DDX41: variants seen among roughly 807,000 people sequenced by gnomAD.
The protein encoded by DDX41 is DEAD-box helicase 41.
A neutral mutation model predicts 78.8 loss-of-function variants in DDX41; 50 were observed. The observed-to-expected ratio is 0.63, with a 90% CI of 0.51 to 0.80. The LOEUF is 0.80. Among genes scored for constraint, DDX41 ranks in the 30% least tolerant of loss-of-function variants. The pLI is 0.00. For synonymous variants in DDX41, 381 were observed against 321.5 expected, an observed-to-expected ratio of 1.19 and a Z score of -1.98; for missense variants, 633 against 849.2, an observed-to-expected ratio of 0.75 and a Z score of 3.16.
Position 177,516,904 on chromosome 5 carries a change from T to G in DDX41, c.27+15A>C. ...CGCCCGCTCCCACACGCGCGGGGTC[T>G]CGCCTCTCTCCTACCTTCCGTTCGG... On this transcript the variant is annotated intron_variant, in intron 1 of 16. Coordinates refer to ENST00000330503, the MANE Select transcript of DDX41 (RefSeq NM_016222.4). 1.9e-6 allele frequency: 3 copies of G among 1,613,326 alleles called. No homozygotes were observed. The highest frequency in any genetic ancestry group is 2.2e-5 in the East Asian group (1 of 44,878).
In DDX41 at chr5:177,512,092, T is replaced by C. The variant is rs373996122; in HGVS notation, c.1732+4A>G. On this transcript the variant is annotated splice_donor_region_variant and intron_variant, in intron 16 of 16. Transcript: ENST00000330503. ...GGGACTCGGGGATCCCGCTCTGCAG[T>C]CACCTCCAATGTCCAGCATGGACTC... 6 of 1,612,834 alleles carry C rather than the reference T, an allele frequency of 3.7e-6. No homozygotes were observed. Among genetic ancestry groups the C allele is most frequent in the Non-Finnish European group, 4.2e-6 (5 of 1,179,978 alleles).
Position 177,511,944 on chromosome 5 carries a change from A to G in DDX41, c.1733-17T>C. 1 of 1,613,150 alleles carries G rather than the reference A, an allele frequency of 6.2e-7. No homozygotes were observed. The highest frequency in any genetic ancestry group is 8.5e-7 in the Non-Finnish European group (1 of 1,179,836). On this transcript the variant is annotated splice_polypyrimidine_tract_variant and intron_variant, in intron 16 of 16. Transcript: ENST00000330503. ...CGCGCTCTCCTGGGGGAATGGGGAC[A>G]GGGGTCAGCCAAGTCAAGGACCAGG... is the stretch of plus-strand genomic sequence containing the variant.
At chr5:177,515,846 G>C in intron 5 of DDX41, 25 bp from the exon 6 acceptor site, 1 of 1,614,184 alleles carries the variant, frequency 6.2e-7, no homozygotes, top group Non-Finnish European at 8.5e-7. Context: ...CAGGGATCAA[G>C]AGAGCCCTGG....
rs1193349459 is a variant in DDX41, at chr5:177,514,128, G to GGGCT, written c.936-285_936-282dup. Reference sequence around the variant, plus strand: ...CATCAAGCTCCAGAGGCTTTACTCTGGGCTCGCTTTCCTGGCCCACTGGCT... The same window carrying GGGCT: ...CATCAAGCTCCAGAGGCTTTACTCTGGGCTGGCTCGCTTTCCTGGCCCACTGGCT... On this transcript the variant is annotated intron_variant, in intron 9 of 16. Transcript: ENST00000330503. The surrounding 1 kb of genome is among the most constrained non-coding windows in gnomAD (Gnocchi z 4.2). 1 of 616,074 alleles carries GGGCT rather than the reference G, an allele frequency of 1.6e-6. No individual in the cohort carries two copies. Among genetic ancestry groups the GGGCT allele is most frequent in the Non-Finnish European group, 3.0e-6 (1 of 330,264 alleles). 38.2% of individuals were successfully genotyped at this position (616,074 alleles called of 1,614,324 possible). A position where few individuals can be genotyped will look rare whatever the true frequency, so the allele number is the denominator to read the frequency against.
In DDX41 at chr5:177,512,388, G is replaced by A. The variant is rs1191544621; in HGVS notation, c.1555C>T (p.Arg519Trp). The change falls in exon 15 of 17, where the codon CGG (arginine) becomes TGG (tryptophan). Residue 519 changes from arginine to tryptophan, a missense_variant. Physicochemically the swap from Arg to Trp is moderately radical, Grantham distance 101. Around this residue, in one of 6 missense-constraint regions of DDX41, gnomAD observed 185 missense variants for 367.4 expected, o/e 0.50. Coordinates refer to ENST00000330503, the MANE Select transcript of DDX41 (RefSeq NM_016222.4). ...CCCGAGCGCCCGGTGCGGCCAATCC[G>A]GTGTACTGCAGAGAGAAGGACAGAG... ...MPEEIENYVH[R>W]IGRTGRSGNT... 5.0e-6 allele frequency: 8 copies of A among 1,613,890 alleles called. No homozygotes were observed. The highest frequency in any genetic ancestry group is 6.8e-6 in the Non-Finnish European group (8 of 1,180,000).
In DDX41 at chr5:177,516,823, C is replaced by T; in HGVS notation, c.40G>A (p.Asp14Asn). ...SEPERKRART[D>N]EVPAGGSRSE... ...CGGCTTCCTCCGGCAGGCACCTCGT[C>T]GGTGCGAGCCCGCTGCAAGCACACG... Residue 14 changes from aspartate to asparagine, a missense_variant, in exon 2 of 17, where the codon GAC (aspartate) becomes AAC (asparagine). This residue lies in a region of DDX41 where 140 missense variants were observed against 115.2 expected (regional missense o/e 1.22). Transcript: ENST00000330503. 1.2e-6 allele frequency: 2 copies of T among 1,612,652 alleles called. No individual in the cohort carries two copies. The highest frequency in any genetic ancestry group is 1.7e-5 in the Admixed American group (1 of 59,992).
chr5:177,511,999 T>C (rs1372025681), intron 16 of DDX41, 72 bp from the exon 17 acceptor site: 2 of 1,606,414 alleles, frequency 1.2e-6, no homozygotes, highest in East Asian at 2.2e-5. Context: ...GGCCCCCCGT[T>C]AGGCACCCTC....
In DDX41 at chr5:177,514,426, A is replaced by G. The variant is rs2630757; in HGVS notation, c.935+275T>C. On this transcript the variant is annotated intron_variant, in intron 9 of 16. Coordinates refer to ENST00000330503, the MANE Select transcript of DDX41 (RefSeq NM_016222.4). This position sits in a 1 kb window ranked among gnomAD's most constrained non-coding sequence, Gnocchi z 4.2. The stretch of plus-strand genomic sequence containing the variant: ...CCTGGACTGCCCCTCTTCCCAATTC[A>G]AATGTCACCTTCCCGGAAAAGCCTT... 0.15 allele frequency: 83,580 copies of G among 546,452 alleles called. 7,853 individuals are homozygous for G. The highest frequency in any genetic ancestry group is 0.2 in the Non-Finnish European group (61,589 of 303,312). The allele number at this position is 546,452 out of a possible 1,614,324, so 33.9% of individuals were successfully genotyped here.
rs189117078 is a variant in DDX41 at position 177,513,948 on chromosome 5, C to T, written c.936-101G>A. On this transcript the variant is annotated intron_variant, in intron 9 of 16. Transcript: ENST00000330503. The surrounding 1 kb of genome is among the most constrained non-coding windows in gnomAD (Gnocchi z 4.6). ...TCTGCTCTGCTCTCTGTCCTCCTTC[C>T]TATTTCTTTGTCTGTCCCCTTCTCA... The T allele has an allele frequency of 4.9e-4, 596 of 1,224,484 alleles. 1 individual carries two copies. The African/African-American group carries it at 8.2e-3, about 17-fold the overall frequency. 75.9% of individuals were successfully genotyped at this position (1,224,484 alleles called of 1,614,324 possible). A position where few individuals can be genotyped will look rare whatever the true frequency, so the allele number is the denominator to read the frequency against.
In DDX41 at chr5:177,514,066, C is replaced by A; in HGVS notation, c.936-219G>T. 1 of 685,672 alleles carries A rather than the reference C, an allele frequency of 1.5e-6. No individual in the cohort carries two copies. The highest frequency in any genetic ancestry group is 2.7e-6 in the Non-Finnish European group (1 of 376,754). The allele number at this position is 685,672 out of a possible 1,614,324, so 42.5% of individuals were successfully genotyped here. On this transcript the variant is annotated intron_variant, in intron 9 of 16. Coordinates refer to ENST00000330503, the MANE Select transcript of DDX41 (RefSeq NM_016222.4). This position sits in a 1 kb window ranked among gnomAD's most constrained non-coding sequence, Gnocchi z 4.2. ...ACCGCTCGGCCTGGCGCGCCTTCCC[C>A]CTTCTCCTGGGTCAGCCTCTCACCC...
chr5:177,516,868 T>C, intron 1 of DDX41, 33 bp from the exon 2 acceptor site: 1 of 1,613,184 alleles, frequency 6.2e-7, no homozygotes, highest in Non-Finnish European at 8.5e-7. Flanking sequence ...CACGGCCTGC[T>C]CCCCTCTTCA....
At position 177,513,677 on chromosome 5, in the gene DDX41, G is replaced by T; in HGVS notation, c.1098+8C>A. 1 of 1,613,128 alleles carries T rather than the reference G, an allele frequency of 6.2e-7. No homozygotes were observed. The highest frequency in any genetic ancestry group is 8.5e-7 in the Non-Finnish European group (1 of 1,179,948). Reference sequence around the variant, plus strand: ...GTGCAGGGTGCCCTGGCCGGGCGGGGGCGGCACCTTGAAGTAGGAGAAGAT... The same window carrying T: ...GTGCAGGGTGCCCTGGCCGGGCGGGTGCGGCACCTTGAAGTAGGAGAAGAT... On this transcript the variant is annotated splice_region_variant and intron_variant, in intron 10 of 16. Transcript: ENST00000330503. The surrounding 1 kb of genome is among the most constrained non-coding windows in gnomAD (Gnocchi z 4.6).
Position 177,516,361 on chromosome 5 carries a change from G to A in DDX41, c.225C>T (p.Asp75=), listed in dbSNP as rs1385492990. 6.2e-7 allele frequency: 1 copy of A among 1,614,076 alleles called. No individual in the cohort carries two copies. Among genetic ancestry groups the A allele is most frequent in the Non-Finnish European group, 8.5e-7 (1 of 1,180,024 alleles). ...TGGACTGAGGGCCTAGCGGGATGTCGTCCTCATCTCCCCGGGGTTCACTAC... is the reference window on the plus strand; with the variant it reads ...TGGACTGAGGGCCTAGCGGGATGTCATCCTCATCTCCCCGGGGTTCACTAC... The part of the protein sequence containing the change: ...DSGSEPRGDE[D]DIPLGPQSNV... The change falls in exon 3 of 17, where the codon GAC becomes GAT. Residue 75 remains aspartate, a synonymous_variant. Transcript: ENST00000330503.
intron 6 of DDX41, 177 bp from the exon 7 acceptor site, chr5:177,515,435 T>A: frequency 1.1e-6 from 1 of 877,290 alleles, no homozygotes; most frequent in Non-Finnish European, 1.8e-6. Context: ...GCCCACAGGC[T>A]AGGTGCAGCC....
intron 16 of DDX41, 40 bp downstream of exon 16, chr5:177,512,056 C>A (rs1305887178): frequency 6.2e-7 from 1 of 1,609,260 alleles, no homozygotes; most frequent in African/African-American, 1.3e-5. Context: ...CTCCTTGCCA[C>A]CTGCCGGCTG....
chr5:177,514,650 CCA>C lies in DDX41; in HGVS notation c.935+49_935+50del, dbSNP rs1761136667. On this transcript the variant is annotated intron_variant, in intron 9 of 16. Coordinates refer to ENST00000330503, the MANE Select transcript of DDX41 (RefSeq NM_016222.4). This position sits in a 1 kb window ranked among gnomAD's most constrained non-coding sequence, Gnocchi z 4.2. ...TAAGGTAAAGGGTCCTTTAGCTTTT[CCA>C]CAGACTCGCAGGTGGCAGAGGTGGG... The C allele has an allele frequency of 6.3e-7, 1 of 1,576,182 alleles. No homozygotes were observed. Among genetic ancestry groups the C allele is most frequent in the Non-Finnish European group, 8.6e-7 (1 of 1,160,000 alleles).
In DDX41 at chr5:177,515,253, G is replaced by C. The variant is rs1004241531; in HGVS notation, c.577C>G (p.Leu193Val). ...ATGCCTTTCTTCTTCAGGCCTCTCA[G>C]GATGGCTATGAAAACCAACCGACAT... ...FKEMKFPAAILRGLKKKGIHH... is the reference protein window; with the variant it reads ...FKEMKFPAAIVRGLKKKGIHH... Residue 193 changes from leucine (L) to valine (V), a missense_variant, in exon 7 of 17, where the codon CTG becomes GTG. Physicochemically the swap from Leu to Val is conservative, Grantham distance 32. Coordinates refer to ENST00000330503, the MANE Select transcript of DDX41 (RefSeq NM_016222.4). 3.7e-6 allele frequency: 6 copies of C among 1,613,892 alleles called. No individual in the cohort carries two copies. The highest frequency in any genetic ancestry group is 1.6e-4 in the Middle Eastern group (1 of 6,084).
rs780551040 is a variant in DDX41, at chr5:177,515,803, A to G, written c.453T>C (p.Tyr151=). ...PIKTSWTPPR[Y]VLSMSEERHE... ...GTCGCTCTTCAGACATGCTCAGAAC[A>G]TAACGGGGTGGAGTCCAGCTGTGGA... Residue 151 remains tyrosine, a synonymous_variant, in exon 6 of 17, where the codon TAT becomes TAC. Transcript: ENST00000330503. 3.1e-6 allele frequency: 5 copies of G among 1,614,190 alleles called. No homozygotes were observed. The Admixed American group carries it at 6.7e-5, about 22-fold the overall frequency.
chr5:177,512,966 C>T lies in DDX41; in HGVS notation c.1302+45G>A, dbSNP rs184559477. The T allele has an allele frequency of 4.4e-4, 714 of 1,611,356 alleles. 5 individuals are homozygous for T. In the Admixed American group the frequency reaches 5.6e-3, roughly 13 times the overall value. On this transcript the variant is annotated intron_variant, in intron 12 of 16. Transcript: ENST00000330503. ...CACTCTGTCCCCTCCAAAGCCCTCC[C>T]TGGTCCTGGGGACTCTGGCCCCGGC...
Sources: allele counts gnomAD v4.1 joint callset, GRCh38; gene constraint gnomAD v4.1.1; regional missense constraint gnomAD v4.1.1; non-coding constraint Gnocchi (gnomAD v3.1); transcripts MANE v1.5; gene names NCBI Gene and HGNC (gene_info 2026-07-23, HGNC 2026-07-21).